DOCK3: variants seen among roughly 807,000 people sequenced by gnomAD.
The protein encoded by DOCK3 is dedicator of cytokinesis protein 3.
In DOCK3, 60 loss-of-function variants were observed where a neutral mutation model predicts 265.6. That is an observed-to-expected ratio of 0.23 (90% CI 0.18 to 0.28). DOCK3 has a LOEUF of 0.28. DOCK3 is among the 10% of genes least tolerant of loss of function. The pLI is 1.00. For synonymous variants in DOCK3, 881 were observed against 938.0 expected, an observed-to-expected ratio of 0.94 and a Z score of 1.11; for missense variants, 1,981 against 2,594.3, an observed-to-expected ratio of 0.76 and a Z score of 5.14.
chr3:51,337,630 C>T (rs187618980), intron 35 of DOCK3, among the ~76,000 whole-genome samples: 145 of 152,348 alleles, frequency 9.5e-4, no homozygotes, highest in African/African-American at 3.1e-3. Context: ...GGTTCTCATT[C>T]TCCTTCATCT....
intron 4 of DOCK3, among the ~76,000 whole-genome samples, chr3:50,899,856 A>G (rs922997900): frequency 7.3e-5 from 11 of 151,664 alleles, no homozygotes; most frequent in Non-Finnish European, 1.2e-4. Flanking sequence ...TTAGTCTGAT[A>G]GGCTTCCCTT....
intron 4 of DOCK3, among the ~76,000 whole-genome samples, chr3:50,923,250 T>C (rs1467305220): frequency 1.3e-5 from 2 of 152,236 alleles, no homozygotes; most frequent in African/African-American, 2.4e-5. Flanking sequence ...CATCTTTTTT[T>C]GTATAATGAC....
At chr3:50,692,441 T>C (rs1046795977) in intron 1 of DOCK3, among the ~76,000 whole-genome samples, 6 of 152,152 alleles carry the variant, frequency 3.9e-5, no homozygotes, top group South Asian at 2.1e-4. Context: ...CAGTTCACAA[T>C]AGGGTTCATA....
chr3:51,361,660 C>G lies in DOCK3; in HGVS notation c.5007-199C>G, dbSNP rs995613429. 6.6e-6 allele frequency among the ~76,000 whole-genome samples: 1 copy of G among 152,174 alleles called. No individual in the cohort carries two copies. The highest frequency in any genetic ancestry group is 1.5e-5 in the Non-Finnish European group (1 of 68,018). On this transcript the variant is annotated intron_variant, in intron 47 of 52. Transcript: ENST00000266037. This position sits in a 1 kb window ranked among gnomAD's most constrained non-coding sequence, Gnocchi z 4.2. ...TCCAGTGTACCACACCATTGTCTCT[C>G]CCAGACCAAGGGCTCCTGAGTAGCA...
At chr3:50,768,589 A>G (rs544349038) in intron 1 of DOCK3, among the ~76,000 whole-genome samples, 1 of 152,342 alleles carries the variant, frequency 6.6e-6, no homozygotes, top group Admixed American at 6.5e-5. Context: ...TTATCTCAAT[A>G]GATGCAGAAA....
chr3:51,108,041 C>CTT (rs755768442), intron 9 of DOCK3, among the ~76,000 whole-genome samples: 9,996 of 142,202 alleles, frequency 0.07, 866 homozygotes, highest in East Asian at 0.32. Flanking sequence ...ATTCAACATT[C>CTT]TTTTTTTTTT....
chr3:50,748,722 C>T lies in DOCK3; in HGVS notation c.38-29953C>T, dbSNP rs117156597. ...TTCATCGTGGTTTCTTACCAAACTA[C>T]TTTCTGCTACACCTTGTAGTATACT... On this transcript the variant is annotated intron_variant, in intron 1 of 52. Transcript: ENST00000266037. 6.0e-4 allele frequency among the ~76,000 whole-genome samples: 92 copies of T among 152,302 alleles called. No homozygotes were observed. The East Asian group carries it at 0.015, about 26-fold the overall frequency.
At chr3:51,022,052 C>A (rs1214240042) in intron 5 of DOCK3, among the ~76,000 whole-genome samples, 1 of 152,134 alleles carries the variant, frequency 6.6e-6, no homozygotes, top group Non-Finnish European at 1.5e-5. Flanking sequence ...TTTTAGTTTT[C>A]AGTATAAAGC....
At chr3:50,947,823 A>G (rs60882641) in intron 5 of DOCK3, among the ~76,000 whole-genome samples, 10,851 of 151,488 alleles carry the variant, frequency 0.072, 969 homozygotes, top group East Asian at 0.33. Context: ...TAGTGTCAAC[A>G]TAATCCTAAT....
At position 51,383,322 on chromosome 3, in the gene DOCK3, G is replaced by GA. The variant is rs1368266131; in HGVS notation, c.*1763_*1764insA. ...TCCAGGCAGAGTGGGGCGGAAGGCT[G>GA]CTGAGGATATGGGTCAGTTACAGCA... On this transcript the variant is annotated 3_prime_UTR_variant, in exon 53 of 53. Coordinates refer to ENST00000266037, the MANE Select transcript of DOCK3 (RefSeq NM_004947.5). 6.6e-6 allele frequency: 1 copy of GA among 152,594 alleles called. No individual in the cohort carries two copies. The highest frequency in any genetic ancestry group is 1.5e-5 in the Non-Finnish European group (1 of 68,058). 9.5% of individuals were successfully genotyped at this position (152,594 alleles called of 1,614,324 possible).
intron 1 of DOCK3, among the ~76,000 whole-genome samples, chr3:50,699,552 A>C (rs1332307855): frequency 6.6e-6 from 1 of 150,898 alleles, no homozygotes; most frequent in Non-Finnish European, 1.5e-5. Flanking sequence ...TCCTGGGTTC[A>C]GGCAGTTCTC....
At chr3:51,360,456 C>A in intron 46 of DOCK3, 55 bp from the exon 47 acceptor site, 1 of 1,565,110 alleles carries the variant, frequency 6.4e-7, no homozygotes, top group East Asian at 2.3e-5. Context: ...CCTCACATCC[C>A]TTAGTTACTT....
At chr3:50,817,004 T>TA (rs2044120663) in intron 2 of DOCK3, among the ~76,000 whole-genome samples, 1 of 152,108 alleles carries the variant, frequency 6.6e-6, no homozygotes, top group South Asian at 2.1e-4. Flanking sequence ...ATTAGGAAAG[T>TA]AAAGGAATAA....
intron 7 of DOCK3, among the ~76,000 whole-genome samples, chr3:51,083,936 A>G (rs1415751721): frequency 1.3e-5 from 2 of 152,184 alleles, no homozygotes; most frequent in Non-Finnish European, 2.9e-5. Flanking sequence ...GTGAGCCAAG[A>G]TCACACCACT....
intron 19 of DOCK3, among the ~76,000 whole-genome samples, chr3:51,230,482 G>C (rs540046684): frequency 2.6e-5 from 4 of 152,028 alleles, no homozygotes; most frequent in Non-Finnish European, 5.9e-5. Context: ...ATTCCATGGT[G>C]TACATGTACC....
chr3:50,681,714 T>C (rs908614260), intron 1 of DOCK3, among the ~76,000 whole-genome samples: 1 of 152,200 alleles, frequency 6.6e-6, no homozygotes, highest in African/African-American at 2.4e-5. Context: ...TTCAGAAGCT[T>C]CCCATTTTCC....
intron 9 of DOCK3, among the ~76,000 whole-genome samples, chr3:51,109,575 G>A (rs890737241): frequency 6.6e-5 from 10 of 152,080 alleles, no homozygotes; most frequent in African/African-American, 2.4e-4. Flanking sequence ...AATGAATCAA[G>A]ATGATTTTTT....
rs756974927 is a variant in DOCK3, at chr3:51,164,344, C to T, written c.1037+3642C>T. ...ATGTTCAAAATAAAGAGATTCAGGC[C>T]GGGCGCGGTGGCTCACGCCTGTAAT... On this transcript the variant is annotated intron_variant, in intron 12 of 52. Transcript: ENST00000266037. 7.9e-5 allele frequency among the ~76,000 whole-genome samples: 12 copies of T among 152,144 alleles called. 1 individual carries two copies. The highest frequency in any genetic ancestry group is 3.4e-3 in the Middle Eastern group (1 of 294).
At chr3:51,269,490 A>C (rs1217353702) in intron 23 of DOCK3, among the ~76,000 whole-genome samples, 1 of 152,124 alleles carries the variant, frequency 6.6e-6, no homozygotes. Flanking sequence ...CTGCAGATAG[A>C]ATTCATATAA....
Sources: gnomAD v4.1 joint callset for allele counts (sites outside exome capture counted in the v4.1 genomes callset) on GRCh38, gnomAD v4.1.1 for gene constraint, Gnocchi (gnomAD v3.1) non-coding constraint, MANE v1.5 for transcripts, NCBI Gene and HGNC (gene_info 2026-07-23, HGNC 2026-07-21) for gene names.